The following TTC29 variants were observed in gnomAD, a reference collection of about 807,000 sequenced individuals.
TTC29 encodes the protein tetratricopeptide repeat protein 29.
Under a neutral mutation model 58.1 loss-of-function variants are expected in TTC29, and 49 were observed. The ratio of observed to expected loss-of-function variants is 0.84; its 90% confidence interval spans 0.67 to 1.07. TTC29 has a LOEUF of 1.07. TTC29 is among the 50% of genes least tolerant of loss of function. The pLI, the probability that TTC29 is intolerant of heterozygous loss-of-function variation, is 0.00. For missense variants in TTC29, 582 were observed against 555.6 expected (o/e 1.05, Z -0.48); for synonymous variants, 209 against 196.8 (o/e 1.06, Z -0.52).
chr4:146,833,977 A>C (rs938401121), intron 8 of TTC29, 80 bp from the exon 9 acceptor site: 3 of 968,628 alleles, frequency 3.1e-6, no homozygotes, highest in African/African-American at 3.3e-5. Context: ...GAAAAAAATA[A>C]AATTAATAGT....
chr4:146,943,179 T>C (rs1283817892), intron 2 of TTC29, among the ~76,000 whole-genome samples: 3 of 118,978 alleles, frequency 2.5e-5, no homozygotes, highest in Non-Finnish European at 4.9e-5. Context: ...CTTTTTTTTT[T>C]TTTTTTTTTT....
intron 8 of TTC29, among the ~76,000 whole-genome samples, chr4:146,860,216 TC>T (rs890219531): frequency 7.6e-4 from 116 of 152,094 alleles, no homozygotes; most frequent in African/African-American, 2.7e-3. Context: ...AAGAACTCTC[TC>T]CCCCCAAAAC....
rs148138807 is a variant in TTC29, at chr4:146,891,312, A to C, written c.586+12232T>G. On this transcript the variant is annotated intron_variant, in intron 6 of 12. Transcript: ENST00000325106. ...ATTATCCACTTAAAAAATGTTAATT[A>C]CTCTTGTTTGTTTGATTTCCAATGT... Among the ~76,000 whole-genome samples, 7 of 152,018 alleles carry C rather than the reference A, an allele frequency of 4.6e-5. No homozygotes were observed. In the East Asian group the frequency reaches 1.4e-3, roughly 29 times the overall value.
chr4:146,879,086 T>C (rs1333840853), intron 6 of TTC29, among the ~76,000 whole-genome samples: 2 of 152,140 alleles, frequency 1.3e-5, no homozygotes, highest in Non-Finnish European at 2.9e-5. Context: ...GGGATTCATT[T>C]CTAAAAGTAT....
At chr4:146,817,835 G>T (rs917943825) in intron 10 of TTC29, among the ~76,000 whole-genome samples, 2 of 152,150 alleles carry the variant, frequency 1.3e-5, no homozygotes, top group Non-Finnish European at 2.9e-5. Context: ...AATGGGGAAA[G>T]GATTCCCTAT....
intron 8 of TTC29, among the ~76,000 whole-genome samples, chr4:146,854,568 A>G (rs1324737648): frequency 6.6e-6 from 1 of 151,782 alleles, no homozygotes; most frequent in East Asian, 1.9e-4. Flanking sequence ...CTCCGTCCTC[A>G]CTCTTACTCC....
intron 11 of TTC29, among the ~76,000 whole-genome samples, chr4:146,750,684 T>G (rs1201412245): frequency 6.6e-6 from 1 of 152,166 alleles, no homozygotes; most frequent in Admixed American, 6.5e-5. Context: ...TTTTTAAATG[T>G]AAGTTTCATG....
intron 11 of TTC29, among the ~76,000 whole-genome samples, chr4:146,783,271 C>A (rs1748755806): frequency 6.6e-6 from 1 of 151,888 alleles, no homozygotes; most frequent in Non-Finnish European, 1.5e-5. Context: ...CAACAGTACT[C>A]ACAAACCTCC....
chr4:146,860,222 C>A (rs1730137547), intron 8 of TTC29, among the ~76,000 whole-genome samples: 1 of 152,060 alleles, frequency 6.6e-6, no homozygotes, highest in Non-Finnish European at 1.5e-5. Context: ...TCTCTCCCCC[C>A]AAAACTTTCT....
At chr4:146,783,056 T>A (rs564902058) in intron 11 of TTC29, among the ~76,000 whole-genome samples, 1 of 152,116 alleles carries the variant, frequency 6.6e-6, no homozygotes, top group South Asian at 2.1e-4. Flanking sequence ...CACATCATAA[T>A]CTCCAAATTT....
At chr4:146,797,848 A>G (rs945611741) in intron 11 of TTC29, among the ~76,000 whole-genome samples, 1 of 146,878 alleles carries the variant, frequency 6.8e-6, no homozygotes, top group African/African-American at 2.5e-5. Flanking sequence ...ATATATATAT[A>G]TATATATATA....
chr4:146,859,819 G>T (rs1730112064), intron 8 of TTC29, among the ~76,000 whole-genome samples: 1 of 151,696 alleles, frequency 6.6e-6, no homozygotes, highest in Admixed American at 6.6e-5. Context: ...AAGGAAAGAG[G>T]ATTTTAAGAA....
chr4:146,922,554 T>C (rs1734665180), intron 4 of TTC29, among the ~76,000 whole-genome samples: 1 of 151,798 alleles, frequency 6.6e-6, no homozygotes, highest in African/African-American at 2.4e-5. Context: ...TTTTCAATAC[T>C]TTACATGTAA....
rs747055631 is a variant in TTC29 at position 146,867,473 on chromosome 4, G to T, written c.885+25C>A. 28 of 1,144,576 alleles carry T rather than the reference G, an allele frequency of 2.4e-5. No homozygotes were observed. The East Asian group carries it at 7.1e-4, about 29-fold the overall frequency. The allele number at this position is 1,144,576 out of a possible 1,614,324, so 70.9% of individuals were successfully genotyped here. A position where few individuals can be genotyped will look rare whatever the true frequency, so the allele number is the denominator to read the frequency against. ...ATATACTAAAATAAAAATTAAAAAT[G>T]GCAGTGATTAAAAGTTTAGCTTACT... On this transcript the variant is annotated intron_variant, in intron 8 of 12. Coordinates refer to ENST00000325106, the MANE Select transcript of TTC29 (RefSeq NM_031956.4).
chr4:146,753,487 G>A (rs1053755176), intron 11 of TTC29, among the ~76,000 whole-genome samples: 23 of 152,054 alleles, frequency 1.5e-4, no homozygotes, highest in Admixed American at 5.9e-4. Context: ...TGTGGAATTC[G>A]GTGTGGCGAT....
chr4:146,774,616 TGGA>T lies in TTC29; in HGVS notation c.1330+28838_1330+28840del, dbSNP rs930460199. 9.9e-5 allele frequency among the ~76,000 whole-genome samples: 15 copies of T among 152,092 alleles called. 1 individual carries two copies. Among genetic ancestry groups the T allele is most frequent in the African/African-American group, 3.6e-4 (15 of 41,444 alleles). ...CATGATTTCTGTTTTTTTGAATTTG[TGGA>T]GGATTGTTTTATGGCCTGTTGTGCG... On this transcript the variant is annotated intron_variant, in intron 11 of 12. Coordinates refer to ENST00000325106, the MANE Select transcript of TTC29 (RefSeq NM_031956.4).
chr4:146,820,259 T>A lies in TTC29; in HGVS notation c.978-11A>T. 1 of 1,608,928 alleles carries A rather than the reference T, an allele frequency of 6.2e-7. No individual in the cohort carries two copies. Among genetic ancestry groups the A allele is most frequent in the African/African-American group, 1.3e-5 (1 of 74,954 alleles). ...GTCATCTCTCCTTGGCTAGAATGAATGAAATAGGAAGTCAATGGAGTATCA... is the reference window on the plus strand; with the variant it reads ...GTCATCTCTCCTTGGCTAGAATGAAAGAAATAGGAAGTCAATGGAGTATCA... On this transcript the variant is annotated splice_polypyrimidine_tract_variant and intron_variant, in intron 9 of 12. Transcript: ENST00000325106.
At chr4:146,930,305 T>C (rs997199474) in intron 4 of TTC29, among the ~76,000 whole-genome samples, 1 of 151,666 alleles carries the variant, frequency 6.6e-6, no homozygotes, top group Admixed American at 6.6e-5. Flanking sequence ...TAACTAGACA[T>C]TTAAATGCTT....
At chr4:146,906,431 TCA>T (rs1391023270) in intron 5 of TTC29, among the ~76,000 whole-genome samples, 1 of 152,194 alleles carries the variant, frequency 6.6e-6, no homozygotes, top group African/African-American at 2.4e-5. Context: ...ACGAGATTGC[TCA>T]GTTATATGCT....
Sources: allele counts gnomAD v4.1 joint callset (sites outside exome capture counted in the v4.1 genomes callset), GRCh38; gene constraint gnomAD v4.1.1; transcripts MANE v1.5; gene names NCBI Gene and HGNC (gene_info 2026-07-23, HGNC 2026-07-21).